FRMD6: variants seen among roughly 807,000 people sequenced by gnomAD.
FRMD6 encodes the protein FERM domain-containing protein 6.
In FRMD6, 37 loss-of-function variants were observed where a neutral mutation model predicts 73.2. That is an observed-to-expected ratio of 0.51 (90% CI 0.39 to 0.66). The LOEUF is 0.66. FRMD6 is among the 30% of genes least tolerant of loss of function. The pLI is 0.00. For synonymous variants in FRMD6, 273 were observed against 282.2 expected, an observed-to-expected ratio of 0.97 and a Z score of 0.33; for missense variants, 714 against 780.5, an observed-to-expected ratio of 0.91 and a Z score of 1.02.
intron 11 of FRMD6, among the ~76,000 whole-genome samples, chr14:51,720,990 A>T (rs1897528171): frequency 6.6e-6 from 1 of 152,230 alleles, no homozygotes. Context: ...TCTGTCTCAA[A>T]TAAGTGCTGT....
At chr14:51,722,140 C>T (rs1897661890) in intron 12 of FRMD6, 60 bp downstream of exon 12, 6 of 1,589,020 alleles carry the variant, frequency 3.8e-6, no homozygotes, top group Non-Finnish European at 4.3e-6. Context: ...CTGAAAAACA[C>T]ATGCCTCAGA....
At chr14:51,548,856 T>C (rs1457356467) in intron 1 of FRMD6, among the ~76,000 whole-genome samples, 1 of 152,168 alleles carries the variant, frequency 6.6e-6, no homozygotes, top group East Asian at 1.9e-4. Flanking sequence ...AACGTCAGCA[T>C]CACCTGGGAG....
intron 2 of FRMD6, among the ~76,000 whole-genome samples, chr14:51,696,752 A>G (rs1657700161): frequency 3.8e-5 from 1 of 26,300 alleles, no homozygotes; most frequent in African/African-American, 1.2e-4. Context: ...CTGTCTCTAC[A>G]AAAAAAAAAA....
chr14:51,410,106 T>C, the FRMD6 span, among the ~76,000 whole-genome samples: 1 of 152,218 alleles, frequency 6.6e-6, no homozygotes, highest in Non-Finnish European at 1.5e-5. Context: ...CAGATCTTTT[T>C]CTGAAACAAA....
intron 2 of FRMD6, among the ~76,000 whole-genome samples, chr14:51,611,456 G>C (rs1007418003): frequency 2.0e-5 from 3 of 152,178 alleles, no homozygotes; most frequent in African/African-American, 7.2e-5. Flanking sequence ...CCCACCTCTA[G>C]AGATTCTGAT....
chr14:51,407,523 AT>A, the FRMD6 span, among the ~76,000 whole-genome samples: 1 of 151,850 alleles, frequency 6.6e-6, no homozygotes, highest in East Asian at 1.9e-4. Context: ...GTGAAATTTA[AT>A]TTTTTTCATG....
intron 1 of FRMD6, among the ~76,000 whole-genome samples, chr14:51,653,205 G>GT (rs34991130): frequency 0.2 from 31,043 of 152,082 alleles, 3,336 homozygotes; most frequent in African/African-American, 0.29. Context: ...GATTTTCCGA[G>GT]TATGATTCCC....
chr14:51,585,961 A>ATATATATATATATATAT (rs1555324347), intron 2 of FRMD6, among the ~76,000 whole-genome samples: 140 of 56,196 alleles, frequency 2.5e-3, no homozygotes, highest in South Asian at 5.0e-3. Flanking sequence ...ATATATATAT[A>ATATATATATATATATAT]ACATTTTCTT....
chr14:51,399,923 C>T, the FRMD6 span, among the ~76,000 whole-genome samples: 1 of 150,360 alleles, frequency 6.7e-6, no homozygotes, highest in African/African-American at 2.4e-5. Flanking sequence ...CTTCAATGTG[C>T]AGAGAATGTT....
intron 1 of FRMD6, among the ~76,000 whole-genome samples, chr14:51,523,770 A>G (rs964649303): frequency 6.6e-6 from 1 of 152,218 alleles, no homozygotes; most frequent in African/African-American, 2.4e-5. Flanking sequence ...TACTGAACAC[A>G]TGAACATCTG....
the FRMD6 span, among the ~76,000 whole-genome samples, chr14:51,434,207 A>G: frequency 6.6e-6 from 1 of 152,184 alleles, no homozygotes; most frequent in African/African-American, 2.4e-5. Context: ...GTAAATGTAG[A>G]TGTATATATA....
At chr14:51,469,869 C>A in the FRMD6 span, among the ~76,000 whole-genome samples, 3 of 151,904 alleles carry the variant, frequency 2.0e-5, no homozygotes, top group Admixed American at 1.3e-4. Flanking sequence ...GTTTGATTCA[C>A]CTTTCTATGG....
At chr14:51,425,533 C>G in the FRMD6 span, among the ~76,000 whole-genome samples, 574 of 152,248 alleles carry the variant, frequency 3.8e-3, 3 homozygotes, top group African/African-American at 0.012. Flanking sequence ...TAATATGTCT[C>G]AAACTCACCT....
chr14:51,560,063 C>CT (rs139060527), intron 1 of FRMD6, among the ~76,000 whole-genome samples: 27,254 of 152,042 alleles, frequency 0.18, 2,653 homozygotes, highest in Middle Eastern at 0.3. Context: ...TGGGACTATA[C>CT]TTTATAATCA....
chr14:51,639,392 G>A (rs959218709), intron 2 of FRMD6, among the ~76,000 whole-genome samples: 2 of 151,244 alleles, frequency 1.3e-5, no homozygotes, highest in South Asian at 2.1e-4. Flanking sequence ...CTGAGATTGC[G>A]CCACTGCACT....
intron 1 of FRMD6, among the ~76,000 whole-genome samples, chr14:51,554,993 G>T (rs1235888769): frequency 6.6e-6 from 1 of 152,208 alleles, no homozygotes. Flanking sequence ...ACTGTTCTGA[G>T]ACATAAAGTT....
intron 2 of FRMD6, among the ~76,000 whole-genome samples, chr14:51,696,103 CTG>C (rs1895928377): frequency 6.6e-6 from 1 of 151,608 alleles, no homozygotes; most frequent in Admixed American, 6.6e-5. Context: ...AAATGATAAA[CTG>C]TCATGTTACA....
chr14:51,448,804 G>A, the FRMD6 span, among the ~76,000 whole-genome samples: 1 of 152,286 alleles, frequency 6.6e-6, no homozygotes, highest in East Asian at 1.9e-4. Flanking sequence ...CTTGGGGCAG[G>A]AAATGAAACA....
At chr14:51,433,994 T>C in the FRMD6 span, among the ~76,000 whole-genome samples, 9 of 152,204 alleles carry the variant, frequency 5.9e-5, no homozygotes, top group Non-Finnish European at 1.0e-4. Context: ...GGATATGCTT[T>C]AGCAATTCTG....
Sources: allele counts gnomAD v4.1 joint callset (sites outside exome capture counted in the v4.1 genomes callset), GRCh38; gene constraint gnomAD v4.1.1; transcripts MANE v1.5; gene names NCBI Gene and HGNC (gene_info 2026-07-23, HGNC 2026-07-21).